Variants in EPB41 observed in about 807,000 individuals in gnomAD.
EPB41 encodes the protein protein 4.1.
Under a neutral mutation model 108.0 loss-of-function variants are expected in EPB41, and 65 were observed. That is an observed-to-expected ratio of 0.60 (90% CI 0.49 to 0.74). EPB41 has a LOEUF of 0.74. EPB41 is among the 30% of genes least tolerant of loss of function. The pLI is 0.00. For missense variants in EPB41, 875 were observed against 1,037.0 expected (o/e 0.84, Z 2.15); for synonymous variants, 336 against 358.9 (o/e 0.94, Z 0.72).
chr1:28,987,209 C>CT (rs1429644496), intron 1 of EPB41, among the ~76,000 whole-genome samples: 2 of 152,256 alleles, frequency 1.3e-5, no homozygotes, highest in African/African-American at 4.8e-5. Context: ...GCTACTCTCT[C>CT]TGTGTGCATA....
intron 1 of EPB41, among the ~76,000 whole-genome samples, chr1:28,948,505 CAAAAA>C (rs34508731): frequency 5.5e-5 from 5 of 90,960 alleles, no homozygotes; most frequent in Admixed American, 1.2e-4. Flanking sequence ...GACTCCGTAT[CAAAAA>C]AAAAAAAAAA....
rs1378973069 is a variant in EPB41 at position 29,004,313 on chromosome 1, A to G, written c.786+6994A>G. ...TTAGGACTACATGCAATTCAATGGT[A>G]TATAGTCATTGTCTTTTTCCATCCA... On this transcript the variant is annotated intron_variant, in intron 4 of 20. Coordinates refer to ENST00000343067, the MANE Select transcript of EPB41 (RefSeq NM_001376013.1). Among the ~76,000 whole-genome samples, 5 of 152,320 alleles carry G rather than the reference A, an allele frequency of 3.3e-5. No homozygotes were observed. In the East Asian group the frequency reaches 9.6e-4, roughly 29 times the overall value.
chr1:28,909,945 A>G (rs552092348), upstream of EPB41, among the ~76,000 whole-genome samples: 44 of 151,944 alleles, frequency 2.9e-4, no homozygotes, highest in South Asian at 9.0e-3. Flanking sequence ...TTTGGTGGAC[A>G]TGATGGCATG....
chr1:29,018,469 G>A lies in EPB41; in HGVS notation c.1124+27G>A, dbSNP rs999513386. On this transcript the variant is annotated intron_variant, in intron 7 of 20. Transcript: ENST00000343067. The surrounding 1 kb of genome is among the most constrained non-coding windows in gnomAD (Gnocchi z 4.4). ...TGAATATGTCTCCAGGGTTTGTTCGGTGTTTGTTTTGGCGATTAGTTTAAA... is the reference window on the plus strand; with the variant it reads ...TGAATATGTCTCCAGGGTTTGTTCGATGTTTGTTTTGGCGATTAGTTTAAA... 1.3e-6 allele frequency: 2 copies of A among 1,588,270 alleles called. No individual in the cohort carries two copies. The highest frequency in any genetic ancestry group is 3.0e-5 in the African/African-American group (2 of 65,984).
intron 16 of EPB41, among the ~76,000 whole-genome samples, chr1:29,075,414 G>T (rs985332280): frequency 1.3e-5 from 2 of 150,526 alleles, no homozygotes; most frequent in African/African-American, 4.9e-5. Flanking sequence ...GGAGGTGGAG[G>T]TTGCAGTGAG....
intron 1 of EPB41, among the ~76,000 whole-genome samples, chr1:28,901,162 C>T (rs1207868619): frequency 6.6e-6 from 1 of 152,042 alleles, no homozygotes; most frequent in Non-Finnish European, 1.5e-5. Flanking sequence ...ATCTGCTGAC[C>T]TTGTGATCCG....
chr1:29,053,377 C>G lies in EPB41; in HGVS notation c.1845+65C>G, dbSNP rs41266195. On this transcript the variant is annotated intron_variant, in intron 12 of 20. Coordinates refer to ENST00000343067, the MANE Select transcript of EPB41 (RefSeq NM_001376013.1). The stretch of plus-strand genomic sequence containing the variant: ...GATTTAGAGGCCTTAACTTTTTGAC[C>G]AGGAACGTTTTCAAAGCAATTGCTT... The G allele has an allele frequency of 9.1e-3, 14,282 of 1,574,186 alleles. 107 individuals are homozygous for G. Among genetic ancestry groups the G allele is most frequent in the Admixed American group, 0.012 (724 of 58,222 alleles).
chr1:29,070,211 T>C (rs1650674047), intron 16 of EPB41: 1 of 555,906 alleles, frequency 1.8e-6, no homozygotes, highest in African/African-American at 1.9e-5. Context: ...TTTGCCAGGA[T>C]AAATTGCCAA....
intron 1 of EPB41, among the ~76,000 whole-genome samples, chr1:28,943,432 C>T (rs2094374744): frequency 6.6e-6 from 1 of 152,124 alleles, no homozygotes; most frequent in Non-Finnish European, 1.5e-5. Flanking sequence ...GTGGGTGGAT[C>T]ACCTTAAGTC....
chr1:28,977,387 T>G (rs1190345013), intron 1 of EPB41, among the ~76,000 whole-genome samples: 2 of 135,140 alleles, frequency 1.5e-5, no homozygotes, highest in African/African-American at 6.2e-5. Context: ...CTGTTCAGTA[T>G]GTTTTTCTTT....
chr1:28,946,516 C>G (rs1167752465), intron 1 of EPB41, among the ~76,000 whole-genome samples: 1 of 152,148 alleles, frequency 6.6e-6, no homozygotes, highest in Non-Finnish European at 1.5e-5. Flanking sequence ...CATAATGTGA[C>G]AATTTTGGAT....
chr1:28,984,648 T>A (rs1023414885), intron 1 of EPB41, among the ~76,000 whole-genome samples: 4 of 150,148 alleles, frequency 2.7e-5, no homozygotes, highest in Admixed American at 6.7e-5. Flanking sequence ...TTCATTTTTT[T>A]AAAAAACTTA....
chr1:28,971,210 G>A (rs1208059166), intron 1 of EPB41, among the ~76,000 whole-genome samples: 1 of 98,692 alleles, frequency 1.0e-5, no homozygotes, highest in Non-Finnish European at 1.8e-5. Flanking sequence ...TTTTGGGACA[G>A]TGTCCCTCTG....
At chr1:29,098,439 C>T (rs1664027493) in intron 17 of EPB41, among the ~76,000 whole-genome samples, 1 of 152,176 alleles carries the variant, frequency 6.6e-6, no homozygotes, top group African/African-American at 2.4e-5. Context: ...TCGTGATCCG[C>T]CTGTCTTGGC....
At chr1:29,048,184 A>T (rs184840744) in intron 11 of EPB41, among the ~76,000 whole-genome samples, 14 of 151,828 alleles carry the variant, frequency 9.2e-5, no homozygotes, top group African/African-American at 3.4e-4. Context: ...TTCCTATTAT[A>T]TATAGTTTAA....
At chr1:29,104,281 T>G (rs1666401681) in intron 17 of EPB41, among the ~76,000 whole-genome samples, 1 of 152,256 alleles carries the variant, frequency 6.6e-6, no homozygotes, top group South Asian at 2.1e-4. Context: ...TTTTATTATC[T>G]TGCTGGATAA....
chr1:29,108,485 C>G (rs1434037901), intron 17 of EPB41, among the ~76,000 whole-genome samples: 1 of 151,872 alleles, frequency 6.6e-6, no homozygotes, highest in African/African-American at 2.4e-5. Flanking sequence ...GTCACTGACT[C>G]AGTGCTAAGG....
intron 5 of EPB41, among the ~76,000 whole-genome samples, chr1:29,013,984 TA>T (rs1291791047): frequency 1.3e-5 from 2 of 152,094 alleles, no homozygotes; most frequent in African/African-American, 2.4e-5. Context: ...TAATCTGCAA[TA>T]TTTTTTTCTA....
chr1:28,929,522 G>A (rs2093624460), intron 1 of EPB41, among the ~76,000 whole-genome samples: 1 of 150,632 alleles, frequency 6.6e-6, no homozygotes, highest in African/African-American at 2.5e-5. Context: ...GAGCCACTGC[G>A]CCCGGCCAAT....
Sources: gnomAD v4.1 joint callset for allele counts (sites outside exome capture counted in the v4.1 genomes callset) on GRCh38, gnomAD v4.1.1 for gene constraint, Gnocchi (gnomAD v3.1) non-coding constraint, MANE v1.5 for transcripts, NCBI Gene and HGNC (gene_info 2026-07-23, HGNC 2026-07-21) for gene names.